The following CDH2 variants were observed in gnomAD, a reference collection of about 807,000 sequenced individuals.
CDH2 encodes the protein cadherin 2, also known as cadherin-2.
In CDH2, 17 loss-of-function variants were observed where a neutral mutation model predicts 92.0. The observed-to-expected ratio is 0.18, with a 90% CI of 0.13 to 0.28. The LOEUF (loss-of-function observed/expected upper bound fraction) is 0.28. Ranked by LOEUF, CDH2 falls within the 10% of genes least tolerant of loss-of-function variation. The pLI, the probability that CDH2 is intolerant of heterozygous loss-of-function variation, is 1.00. For missense variants in CDH2, 862 were observed against 1,133.1 expected, an observed-to-expected ratio of 0.76 and a Z score of 3.44; for synonymous variants, 419 against 415.9, an observed-to-expected ratio of 1.01 and a Z score of -0.09.
At chr18:28,070,431 C>T (rs1389028120) in intron 2 of CDH2, among the ~76,000 whole-genome samples, 1 of 152,170 alleles carries the variant, frequency 6.6e-6, no homozygotes, top group Non-Finnish European at 1.5e-5. Flanking sequence ...ACTGGTATGT[C>T]ACTGATTCCA....
chr18:27,965,257 C>A (rs2011505658), intron 14 of CDH2, among the ~76,000 whole-genome samples: 1 of 152,232 alleles, frequency 6.6e-6, no homozygotes, highest in East Asian at 1.9e-4. Context: ...TGAATATTTC[C>A]TTATCAAGAA....
intron 1 of CDH2, among the ~76,000 whole-genome samples, chr18:28,176,640 C>T (rs1035279023): frequency 6.6e-6 from 1 of 152,064 alleles, no homozygotes; most frequent in Admixed American, 6.5e-5. Context: ...TGGGAGTTAT[C>T]CTGCCTCACC....
intron 1 of CDH2, among the ~76,000 whole-genome samples, chr18:28,169,494 A>C (rs1255308876): frequency 6.6e-6 from 1 of 152,194 alleles, no homozygotes; most frequent in Non-Finnish European, 1.5e-5. Context: ...TTACTTTTTA[A>C]AACTAATTAT....
chr18:27,990,382 AG>A, intron 9 of CDH2, 32 bp from the exon 10 acceptor site: 2 of 1,589,916 alleles, frequency 1.3e-6, no homozygotes, highest in Non-Finnish European at 1.7e-6. Flanking sequence ...ATATTTTTGC[AG>A]GAAATAAGAA....
intron 2 of CDH2, among the ~76,000 whole-genome samples, chr18:28,017,393 A>G (rs894018564): frequency 6.6e-6 from 1 of 152,010 alleles, no homozygotes; most frequent in Non-Finnish European, 1.5e-5. Context: ...TCATTGTTTA[A>G]GCATGTAAAG....
chr18:27,986,612 G>T (rs1030436685), intron 11 of CDH2, among the ~76,000 whole-genome samples: 2 of 152,064 alleles, frequency 1.3e-5, no homozygotes, highest in African/African-American at 4.8e-5. Flanking sequence ...TATAAATAAT[G>T]CTGTACACTG....
At chr18:27,977,725 C>T (rs1489055940) in intron 14 of CDH2, among the ~76,000 whole-genome samples, 9 of 152,154 alleles carry the variant, frequency 5.9e-5, no homozygotes, top group Non-Finnish European at 1.3e-4. Context: ...CAATAAACAA[C>T]ATGTGGTTCA....
At chr18:28,034,080 A>G (rs181588810) in intron 2 of CDH2, among the ~76,000 whole-genome samples, 3 of 151,970 alleles carry the variant, frequency 2.0e-5, no homozygotes, top group South Asian at 2.1e-4. Flanking sequence ...TGGTTTGGTG[A>G]AAAAAAATAA....
At chr18:28,076,924 A>G (rs1567988863) in intron 2 of CDH2, among the ~76,000 whole-genome samples, 1 of 152,182 alleles carries the variant, frequency 6.6e-6, no homozygotes, top group Non-Finnish European at 1.5e-5. Flanking sequence ...ATTAAATGCT[A>G]TAATGCATAG....
chr18:28,151,004 T>C (rs889462160), intron 1 of CDH2, among the ~76,000 whole-genome samples: 2 of 152,134 alleles, frequency 1.3e-5, no homozygotes, highest in Admixed American at 6.5e-5. Context: ...CAGCTGGACA[T>C]AGTGGAGGCT....
At chr18:27,966,925 G>A (rs1407034773) in intron 14 of CDH2, among the ~76,000 whole-genome samples, 1 of 152,128 alleles carries the variant, frequency 6.6e-6, no homozygotes, top group African/African-American at 2.4e-5. Flanking sequence ...ACTTATGCCA[G>A]ATATCAAAGG....
At chr18:27,936,273 C>T (rs1909017341) in intron 6 of CDH2, among the ~76,000 whole-genome samples, 1 of 152,082 alleles carries the variant, frequency 6.6e-6, no homozygotes, top group African/African-American at 2.4e-5. Context: ...ATTAAATAGA[C>T]AAGCAGACAT....
intron 2 of CDH2, among the ~76,000 whole-genome samples, chr18:28,080,820 A>C (rs140147870): frequency 1.4e-3 from 214 of 152,304 alleles, no homozygotes; most frequent in African/African-American, 5.0e-3. Flanking sequence ...ACAAAGAAAA[A>C]TATTTAACAA....
intron 1 of CDH2, among the ~76,000 whole-genome samples, chr18:28,157,634 C>T (rs2016240478): frequency 6.6e-6 from 1 of 152,136 alleles, no homozygotes; most frequent in Admixed American, 6.5e-5. Flanking sequence ...ACCTAACTGG[C>T]TAAGGGCTGG....
intron 14 of CDH2, among the ~76,000 whole-genome samples, chr18:27,975,592 C>T (rs2011800406): frequency 6.6e-6 from 1 of 152,216 alleles, no homozygotes; most frequent in Non-Finnish European, 1.5e-5. Context: ...ACCCCAAGGC[C>T]CCAGAGGGCG....
chr18:27,962,875 A>G (rs1427132775), intron 15 of CDH2, among the ~76,000 whole-genome samples: 1 of 151,774 alleles, frequency 6.6e-6, no homozygotes, highest in African/African-American at 2.4e-5. Context: ...TCACTTACAT[A>G]ATATTTAATT....
At chr18:28,123,054 G>A (rs964992537) in intron 2 of CDH2, among the ~76,000 whole-genome samples, 9 of 152,054 alleles carry the variant, frequency 5.9e-5, no homozygotes, top group African/African-American at 2.2e-4. Flanking sequence ...TTATATAAGA[G>A]ATCAATTTTC....
intron 11 of CDH2, among the ~76,000 whole-genome samples, chr18:27,987,240 C>T (rs2012264086): frequency 6.6e-6 from 1 of 152,122 alleles, no homozygotes; most frequent in Non-Finnish European, 1.5e-5. Flanking sequence ...TAGAAGAAAG[C>T]CACGGTTTAT....
downstream of CDH2, among the ~76,000 whole-genome samples, chr18:27,947,773 A>ATAAGTATGTGATG (rs71171656): frequency 0.95 from 142,913 of 150,856 alleles, 68,140 homozygotes; most frequent in Non-Finnish European, 1. Flanking sequence ...TATATGTGAT[A>ATAAGTATGTGATG]TAAGTATATG....
Sources: allele counts gnomAD v4.1 joint callset (sites outside exome capture counted in the v4.1 genomes callset), GRCh38; gene constraint gnomAD v4.1.1; transcripts MANE v1.5; gene names NCBI Gene and HGNC (gene_info 2026-07-23, HGNC 2026-07-21).